Variants in CLMN observed in about 807,000 individuals in gnomAD.
CLMN encodes calmin (calponin-like, transmembrane).
CLMN carries 57 observed loss-of-function variants against 92.7 expected under a neutral mutation model. That is an observed-to-expected ratio of 0.61 (90% CI 0.50 to 0.77). CLMN has a LOEUF of 0.77. CLMN is among the 30% of genes least tolerant of loss of function. The probability of loss-of-function intolerance (pLI) is 0.00; values close to 1 mark genes in which losing one functional copy is unlikely to be tolerated. For missense variants in CLMN, 1,158 were observed against 1,237.5 expected (o/e 0.94, Z 0.96); for synonymous variants, 466 against 470.6 (o/e 0.99, Z 0.13).
chr14:95,305,320 T>C lies in CLMN; in HGVS notation c.82+14391A>G, dbSNP rs145601567. ...CAACTAGCCATTTGGCTCCACGCCATTGAGCACTGTGTGAGCCACCACTCA... is the reference window on the plus strand; with the variant it reads ...CAACTAGCCATTTGGCTCCACGCCACTGAGCACTGTGTGAGCCACCACTCA... On this transcript the variant is annotated intron_variant, in intron 1 of 12. Transcript: ENST00000298912. Among the ~76,000 whole-genome samples, 333 of 152,348 alleles carry C rather than the reference T, an allele frequency of 2.2e-3. 1 individual carries two copies. Among genetic ancestry groups the C allele is most frequent in the African/African-American group, 7.6e-3 (317 of 41,582 alleles).
At chr14:95,240,468 A>G (rs1898206670) in intron 1 of CLMN, among the ~76,000 whole-genome samples, 1 of 152,094 alleles carries the variant, frequency 6.6e-6, no homozygotes, top group Non-Finnish European at 1.5e-5. Context: ...GAAGGACTCC[A>G]TGGACCTGGA....
In CLMN at chr14:95,182,509, T is replaced by C. The variant is rs758400179; in HGVS notation, c.*9055A>G. ...AGTATCAGCACCACTGTGAGTGACA[T>C]AGGCAGCATCTTATGGTGCAATTTC... On this transcript the variant is annotated 3_prime_UTR_variant, in exon 13 of 13. Coordinates refer to ENST00000298912, the MANE Select transcript of CLMN (RefSeq NM_024734.4). The C allele has an allele frequency of 2.6e-5, 4 of 152,228 alleles. No homozygotes were observed. The highest frequency in any genetic ancestry group is 2.1e-4 in the South Asian group (1 of 4,838). 9.4% of individuals were successfully genotyped at this position (152,228 alleles called of 1,614,324 possible). A position where few individuals can be genotyped will look rare whatever the true frequency, so the allele number is the denominator to read the frequency against.
At chr14:95,234,325 C>T (rs1044514737) in intron 1 of CLMN, among the ~76,000 whole-genome samples, 14 of 152,204 alleles carry the variant, frequency 9.2e-5, no homozygotes, top group Non-Finnish European at 2.1e-4. Flanking sequence ...ACTGGTGTCT[C>T]GACACGAAGG....
intron 1 of CLMN, among the ~76,000 whole-genome samples, chr14:95,316,551 A>G (rs891266100): frequency 1.4e-4 from 22 of 152,310 alleles, no homozygotes; most frequent in Admixed American, 1.1e-3. Flanking sequence ...CTTCATTCCA[A>G]TGTTTTTTGG....
intron 6 of CLMN, 105 bp downstream of exon 6, chr14:95,213,114 T>C (rs979914862): frequency 8.1e-7 from 1 of 1,228,154 alleles, no homozygotes; most frequent in Non-Finnish European, 1.2e-6. Flanking sequence ...TATGAAGCAA[T>C]GGGCACATAC....
chr14:95,295,833 G>A (rs1446528469), intron 1 of CLMN, among the ~76,000 whole-genome samples: 1 of 152,200 alleles, frequency 6.6e-6, no homozygotes, highest in African/African-American at 2.4e-5. Context: ...GCACCCAACT[G>A]TTTGCATGGC....
rs550850357 is a variant in CLMN at position 95,214,731 on chromosome 14, G to A, written c.417+910C>T. Among the ~76,000 whole-genome samples the A allele has an allele frequency of 2.0e-3, 294 of 149,450 alleles. 3 individuals are homozygous for A. The highest frequency in any genetic ancestry group is 6.8e-3 in the African/African-American group (279 of 41,208). Reference sequence around the variant, plus strand: ...AGACATGGAAACTGAGGCTCTGAGAGAGACAGTATTTTTTTTTTTTTAAGT... The same window carrying A: ...AGACATGGAAACTGAGGCTCTGAGAAAGACAGTATTTTTTTTTTTTTAAGT... On this transcript the variant is annotated intron_variant, in intron 5 of 12. Coordinates refer to ENST00000298912, the MANE Select transcript of CLMN (RefSeq NM_024734.4).
chr14:95,259,831 C>T lies in CLMN; in HGVS notation c.83-29698G>A, dbSNP rs754802761. 6.6e-6 allele frequency among the ~76,000 whole-genome samples: 1 copy of T among 152,218 alleles called. No homozygotes were observed. Among genetic ancestry groups the T allele is most frequent in the African/African-American group, 2.4e-5 (1 of 41,456 alleles). On this transcript the variant is annotated intron_variant, in intron 1 of 12. Transcript: ENST00000298912. This position sits in a 1 kb window ranked among gnomAD's most constrained non-coding sequence, Gnocchi z 4.3. The stretch of plus-strand genomic sequence containing the variant: ...TAAAATGCATGGCCAGCTGCACCTG[C>T]GTTTCCTCTCCCCACACCCACCTGG...
intron 1 of CLMN, among the ~76,000 whole-genome samples, chr14:95,255,652 A>G (rs924142993): frequency 1.1e-4 from 16 of 152,120 alleles, no homozygotes; most frequent in Non-Finnish European, 1.8e-4. Context: ...TCTGATTTCC[A>G]TCGGGTCACC....
chr14:95,316,561 G>A (rs1901780817), intron 1 of CLMN, among the ~76,000 whole-genome samples: 1 of 152,204 alleles, frequency 6.6e-6, no homozygotes. Flanking sequence ...ATGTTTTTTG[G>A]GGGATGACCT....
At chr14:95,234,452 A>G (rs1364119422) in intron 1 of CLMN, among the ~76,000 whole-genome samples, 3 of 152,064 alleles carry the variant, frequency 2.0e-5, no homozygotes, top group African/African-American at 4.8e-5. Flanking sequence ...CATAAATCCA[A>G]CGGCCCCTTT....
At chr14:95,264,914 T>C (rs532189649) in intron 1 of CLMN, among the ~76,000 whole-genome samples, 1 of 146,452 alleles carries the variant, frequency 6.8e-6, no homozygotes, top group Admixed American at 6.9e-5. Flanking sequence ...CACCGTCAGA[T>C]CTCATGATAA....
At position 95,204,032 on chromosome 14, in the gene CLMN, A is replaced by G. The variant is rs527831242; in HGVS notation, c.1317T>C (p.Ser439=). The change falls in exon 9 of 13, where the codon AGT becomes AGC. Residue 439 remains serine, a synonymous_variant. Transcript: ENST00000298912. The part of the protein sequence containing the change: ...EADTYKDPFC[S]KNLSLCFEGS... ...CTTCAAAGCAAAGGGACAGGTTCTT[A>G]CTGCAGAAAGGATCCTTGTAGGTGT... 19 of 1,614,114 alleles carry G rather than the reference A, an allele frequency of 1.2e-5. No individual in the cohort carries two copies. Among genetic ancestry groups the G allele is most frequent in the Admixed American group, 1.7e-5 (1 of 60,008 alleles).
At chr14:95,291,031 A>G (rs1009862148) in intron 1 of CLMN, among the ~76,000 whole-genome samples, 4 of 152,180 alleles carry the variant, frequency 2.6e-5, no homozygotes, top group Non-Finnish European at 5.9e-5. Context: ...CCTTCTAGGC[A>G]CCTGCTGGGC....
chr14:95,253,617 G>GTTTTTTTTT (rs543744071), intron 1 of CLMN, among the ~76,000 whole-genome samples: 1 of 140,036 alleles, frequency 7.1e-6, no homozygotes. Context: ...TTGTTTTTTT[G>GTTTTTTTTT]TTTTTTTTTT....
At position 95,277,228 on chromosome 14, in the gene CLMN, T is replaced by C. The variant is rs142633539; in HGVS notation, c.82+42483A>G. 3.3e-3 allele frequency among the ~76,000 whole-genome samples: 497 copies of C among 152,368 alleles called. 3 individuals carry two copies. Among genetic ancestry groups the C allele is most frequent in the Non-Finnish European group, 3.7e-3 (255 of 68,030 alleles). On this transcript the variant is annotated intron_variant, in intron 1 of 12. Coordinates refer to ENST00000298912, the MANE Select transcript of CLMN (RefSeq NM_024734.4). The stretch of plus-strand genomic sequence containing the variant: ...TGAACTTTGTGCTACAAACTTGTCT[T>C]TGTGTGTCACTCTGTCATAAAAGGT...
chr14:95,225,262 TA>T (rs1897674469), intron 2 of CLMN, among the ~76,000 whole-genome samples: 1 of 152,148 alleles, frequency 6.6e-6, no homozygotes, highest in African/African-American at 2.4e-5. Context: ...GCAAGGCCGT[TA>T]GACACACCTG....
intron 1 of CLMN, among the ~76,000 whole-genome samples, chr14:95,253,394 C>T (rs1898865251): frequency 6.6e-6 from 1 of 152,192 alleles, no homozygotes; most frequent in African/African-American, 2.4e-5. Flanking sequence ...GTCCACATAA[C>T]CTCCTAAGGG....
chr14:95,256,767 C>T lies in CLMN; in HGVS notation c.83-26634G>A, dbSNP rs1899015401. The stretch of plus-strand genomic sequence containing the variant: ...TGTAGGGCCCTGGTCCACATTGCAC[C>T]GGGAAAACAGACATGGGGAAACTGG... On this transcript the variant is annotated intron_variant, in intron 1 of 12. Transcript: ENST00000298912. The surrounding 1 kb of genome is among the most constrained non-coding windows in gnomAD (Gnocchi z 4.9). Among the ~76,000 whole-genome samples the T allele has an allele frequency of 6.6e-6, 1 of 152,226 alleles. No individual in the cohort carries two copies.
Sources: gnomAD v4.1 joint callset for allele counts (sites outside exome capture counted in the v4.1 genomes callset) on GRCh38, gnomAD v4.1.1 for gene constraint, Gnocchi (gnomAD v3.1) non-coding constraint, MANE v1.5 for transcripts, NCBI Gene and HGNC (gene_info 2026-07-23, HGNC 2026-07-21) for gene names.